ZRANB3: variants seen among roughly 807,000 people sequenced by gnomAD.
ZRANB3 encodes the protein zinc finger RANBP2-type containing 3, also known as DNA annealing helicase and endonuclease ZRANB3.
A neutral mutation model predicts 133.8 loss-of-function variants in ZRANB3; 125 were observed. That is an observed-to-expected ratio of 0.93 (90% CI 0.81 to 1.08). The LOEUF is 1.08. ZRANB3 is among the 50% of genes least tolerant of loss of function. ZRANB3 has a pLI of 0.00. For synonymous variants in ZRANB3, 387 were observed against 432.7 expected, an observed-to-expected ratio of 0.89 and a Z score of 1.31; for missense variants, 1,229 against 1,275.5, an observed-to-expected ratio of 0.96 and a Z score of 0.56.
Position 135,433,617 on chromosome 2 carries a change from C to T in ZRANB3, c.162-42797G>A, listed in dbSNP as rs547477480. On this transcript the variant is annotated intron_variant, in intron 2 of 20. Transcript: ENST00000264159. Reference sequence around the variant, plus strand: ...CTGTAATCTCAGCACTTTGGGAGGCCGAGGCAGGCAGATTACCTGAGGTCA... The same window carrying T: ...CTGTAATCTCAGCACTTTGGGAGGCTGAGGCAGGCAGATTACCTGAGGTCA... Among the ~76,000 whole-genome samples, 8 of 152,102 alleles carry T rather than the reference C, an allele frequency of 5.3e-5. No individual in the cohort carries two copies. In the East Asian group the frequency reaches 9.7e-4, roughly 18 times the overall value.
intron 2 of ZRANB3, among the ~76,000 whole-genome samples, chr2:135,457,772 TC>T (rs1174785310): frequency 6.6e-6 from 1 of 152,116 alleles, no homozygotes; most frequent in Non-Finnish European, 1.5e-5. Context: ...AATTGAGTTA[TC>T]TTTTTATTGC....
chr2:135,472,197 C>A (rs1236033443), intron 2 of ZRANB3, among the ~76,000 whole-genome samples: 1 of 152,088 alleles, frequency 6.6e-6, no homozygotes, highest in African/African-American at 2.4e-5. Flanking sequence ...TTAGATATGA[C>A]CTGTTTAAAA....
intron 2 of ZRANB3, among the ~76,000 whole-genome samples, chr2:135,428,492 A>C (rs1285872341): frequency 1.3e-5 from 2 of 152,032 alleles, no homozygotes; most frequent in African/African-American, 4.8e-5. Context: ...AAAAGCAAAA[A>C]TTAACAAATG....
intron 3 of ZRANB3, among the ~76,000 whole-genome samples, chr2:135,364,979 G>A (rs1280603729): frequency 1.3e-5 from 2 of 152,010 alleles, no homozygotes; most frequent in Admixed American, 1.3e-4. Context: ...AACCTGGAAG[G>A]CAGAGGTTGC....
Position 135,497,521 on chromosome 2 carries a change from G to A in ZRANB3, c.161+6808C>T, listed in dbSNP as rs141740269. 4.1e-4 allele frequency among the ~76,000 whole-genome samples: 63 copies of A among 152,238 alleles called. No individual in the cohort carries two copies. In the East Asian group the frequency reaches 0.011, roughly 26 times the overall value. ...AAAAATTCAATCATTAGTTGCACTA[G>A]CCACACTTCAAGTACTCAATAGCCA... On this transcript the variant is annotated intron_variant, in intron 2 of 20. Coordinates refer to ENST00000264159, the MANE Select transcript of ZRANB3 (RefSeq NM_032143.4).
intron 9 of ZRANB3, among the ~76,000 whole-genome samples, chr2:135,272,431 T>G (rs77540700): frequency 0.011 from 1,588 of 148,096 alleles, 122 homozygotes; most frequent in African/African-American, 0.039. Context: ...TTTTTTTTTT[T>G]TGTGACGGAG....
chr2:135,285,364 C>G (rs1426900661), intron 8 of ZRANB3, among the ~76,000 whole-genome samples: 1 of 152,174 alleles, frequency 6.6e-6, no homozygotes, highest in African/African-American at 2.4e-5. Context: ...TTATTGCTGA[C>G]TTTCCTGCTA....
At chr2:135,429,868 T>A (rs1484559589) in intron 2 of ZRANB3, among the ~76,000 whole-genome samples, 3 of 152,142 alleles carry the variant, frequency 2.0e-5, no homozygotes, top group Non-Finnish European at 4.4e-5. Flanking sequence ...GATAATGAAA[T>A]GAAGAACTTT....
At position 135,510,667 on chromosome 2, in the gene ZRANB3, C is replaced by T. The variant is rs148268525; in HGVS notation, c.-7-6171G>A. 5.3e-3 allele frequency: 4,168 copies of T among 787,290 alleles called. 23 individuals are homozygous for T. Among genetic ancestry groups the T allele is most frequent in the Non-Finnish European group, 7.0e-3 (3,003 of 429,708 alleles). The allele number at this position is 787,290 out of a possible 1,614,324, so 48.8% of individuals were successfully genotyped here. ...TAGAGGGCCTCCAGGTCCCCTAAGGCGATCATCTCGTCAGTCCCCTTCCCT... is the reference window on the plus strand; with the variant it reads ...TAGAGGGCCTCCAGGTCCCCTAAGGTGATCATCTCGTCAGTCCCCTTCCCT... On this transcript the variant is annotated intron_variant, in intron 1 of 20. Coordinates refer to ENST00000264159, the MANE Select transcript of ZRANB3 (RefSeq NM_032143.4).
At chr2:135,358,996 T>C (rs1237822441) in intron 3 of ZRANB3, among the ~76,000 whole-genome samples, 1 of 151,806 alleles carries the variant, frequency 6.6e-6, no homozygotes, top group Non-Finnish European at 1.5e-5. Flanking sequence ...TTCAAGTCAT[T>C]TTTATATCTA....
chr2:135,488,292 G>A (rs913992059), intron 2 of ZRANB3, among the ~76,000 whole-genome samples: 1 of 152,056 alleles, frequency 6.6e-6, no homozygotes, highest in Non-Finnish European at 1.5e-5. Flanking sequence ...AACGGATAAT[G>A]AAATAGTTTG....
At chr2:135,493,443 A>G (rs1692508456) in intron 2 of ZRANB3, among the ~76,000 whole-genome samples, 1 of 151,550 alleles carries the variant, frequency 6.6e-6, no homozygotes, top group African/African-American at 2.4e-5. Context: ...AACTTCCAAT[A>G]AATAATAAAA....
intron 3 of ZRANB3, among the ~76,000 whole-genome samples, chr2:135,359,719 CT>C (rs1453712179): frequency 3.3e-5 from 5 of 152,202 alleles, no homozygotes; most frequent in Non-Finnish European, 7.3e-5. Context: ...AGGACTGACA[CT>C]GACACTCAGT....
At chr2:135,528,360 C>A (rs952812000) in intron 1 of ZRANB3, among the ~76,000 whole-genome samples, 1 of 152,074 alleles carries the variant, frequency 6.6e-6, no homozygotes, top group Non-Finnish European at 1.5e-5. Context: ...GTTGCCCAGG[C>A]TGGTCTAGAA....
intron 1 of ZRANB3, among the ~76,000 whole-genome samples, chr2:135,520,477 A>G (rs1693889565): frequency 6.6e-6 from 1 of 151,272 alleles, no homozygotes; most frequent in Non-Finnish European, 1.5e-5. Context: ...CAGGGGTGCA[A>G]TATTAGCTCA....
intron 2 of ZRANB3, among the ~76,000 whole-genome samples, chr2:135,488,299 T>C (rs891195813): frequency 6.6e-6 from 1 of 152,038 alleles, no homozygotes; most frequent in Non-Finnish European, 1.5e-5. Context: ...AATGAAATAG[T>C]TTGAAATATT....
At chr2:135,474,343 T>G (rs1559022731) in intron 2 of ZRANB3, among the ~76,000 whole-genome samples, 1 of 152,156 alleles carries the variant, frequency 6.6e-6, no homozygotes, top group Non-Finnish European at 1.5e-5. Flanking sequence ...ATTTCCTCTT[T>G]CAAGGGATTG....
chr2:135,323,311 T>C (rs1019603204), intron 6 of ZRANB3, among the ~76,000 whole-genome samples: 9 of 152,218 alleles, frequency 5.9e-5, no homozygotes, highest in African/African-American at 2.2e-4. Context: ...TGTTTAGTTC[T>C]GGTTTATCAT....
At chr2:135,494,912 C>G (rs1306054270) in intron 2 of ZRANB3, among the ~76,000 whole-genome samples, 1 of 152,148 alleles carries the variant, frequency 6.6e-6, no homozygotes, top group African/African-American at 2.4e-5. Flanking sequence ...ATTGGGACAA[C>G]TGACAAAATA....
Sources: allele counts gnomAD v4.1 joint callset (sites outside exome capture counted in the v4.1 genomes callset), GRCh38; gene constraint gnomAD v4.1.1; transcripts MANE v1.5; gene names NCBI Gene and HGNC (gene_info 2026-07-23, HGNC 2026-07-21).